Variants in CTNNA3 observed in about 807,000 individuals in gnomAD.
CTNNA3 encodes catenin alpha 3, also known as catenin alpha-3.
A neutral mutation model predicts 95.7 loss-of-function variants in CTNNA3; 76 were observed. The observed-to-expected ratio is 0.79, with a 90% confidence interval of 0.66 to 0.96. The LOEUF (loss-of-function observed/expected upper bound fraction) is 0.96, where lower values mean the gene tolerates loss of function less well. Ranked by LOEUF, CTNNA3 falls within the 40% of genes least tolerant of loss-of-function variation. CTNNA3 has a pLI of 0.00. For synonymous variants in CTNNA3, 431 were observed against 374.4 expected, an observed-to-expected ratio of 1.15 and a Z score of -1.74; for missense variants, 1,191 against 1,089.8, an observed-to-expected ratio of 1.09 and a Z score of -1.31.
chr10:67,687,970 C>G (rs555444531), intron 1 of CTNNA3, among the ~76,000 whole-genome samples: 1 of 152,304 alleles, frequency 6.6e-6, no homozygotes, highest in Admixed American at 6.5e-5. Context: ...TTGCCCCTTT[C>G]TTCGACTGTC....
At chr10:66,881,852 C>T (rs1844863653) in intron 7 of CTNNA3, among the ~76,000 whole-genome samples, 2 of 152,048 alleles carry the variant, frequency 1.3e-5, no homozygotes, top group South Asian at 4.1e-4. Flanking sequence ...TTTTCTTTAA[C>T]TAATAGAGCT....
intron 1 of CTNNA3, among the ~76,000 whole-genome samples, chr10:67,754,836 A>G (rs1468934080): frequency 6.6e-6 from 1 of 152,214 alleles, no homozygotes; most frequent in African/African-American, 2.4e-5. Context: ...AAACAACTCA[A>G]TGGAGAAAAA....
intron 7 of CTNNA3, among the ~76,000 whole-genome samples, chr10:67,104,380 A>T (rs1232483353): frequency 6.6e-6 from 1 of 151,994 alleles, no homozygotes; most frequent in African/African-American, 2.4e-5. Flanking sequence ...AGGCTGAAAG[A>T]TAACCTTTAT....
At chr10:67,751,774 C>T (rs540437720) in intron 1 of CTNNA3, among the ~76,000 whole-genome samples, 12 of 149,964 alleles carry the variant, frequency 8.0e-5, no homozygotes, top group South Asian at 2.1e-4. Context: ...AAGAAAAATT[C>T]GAATCCCTGA....
intron 11 of CTNNA3, among the ~76,000 whole-genome samples, chr10:66,405,750 T>C (rs1201497276): frequency 6.6e-6 from 1 of 152,164 alleles, no homozygotes; most frequent in East Asian, 1.9e-4. Context: ...TCCTGTCCTA[T>C]GCTGCACTAG....
intron 7 of CTNNA3, among the ~76,000 whole-genome samples, chr10:67,076,598 A>C (rs1856764378): frequency 6.6e-6 from 1 of 152,236 alleles, no homozygotes; most frequent in Non-Finnish European, 1.5e-5. Flanking sequence ...TTAAAAATTG[A>C]ATACAAATAA....
intron 9 of CTNNA3, among the ~76,000 whole-genome samples, chr10:66,641,394 A>T (rs979249199): frequency 3.3e-5 from 5 of 151,404 alleles, no homozygotes; most frequent in African/African-American, 1.2e-4. Context: ...TCTCCCTAAA[A>T]TGGGTCTACA....
At chr10:67,030,795 G>A (rs1853672047) in intron 7 of CTNNA3, among the ~76,000 whole-genome samples, 1 of 152,166 alleles carries the variant, frequency 6.6e-6, no homozygotes, top group Non-Finnish European at 1.5e-5. Flanking sequence ...CACGAGGTCA[G>A]GAGTTTGAGA....
intron 5 of CTNNA3, among the ~76,000 whole-genome samples, chr10:67,253,538 G>T (rs1866196648): frequency 1.3e-5 from 2 of 152,120 alleles, no homozygotes; most frequent in Non-Finnish European, 2.9e-5. Context: ...TGAGCGAGAT[G>T]ATTTAAATGT....
At chr10:65,930,935 A>G (rs187160385) in intron 17 of CTNNA3, among the ~76,000 whole-genome samples, 312 of 152,336 alleles carry the variant, frequency 2.0e-3, no homozygotes, top group Non-Finnish European at 3.8e-3. Context: ...ACTTATACAC[A>G]TAAGTATATA....
Position 67,256,447 on chromosome 10 carries a change from A to C in CTNNA3, c.580-36577T>G, listed in dbSNP as rs144027208. On this transcript the variant is annotated intron_variant, in intron 5 of 17. Transcript: ENST00000433211. The stretch of plus-strand genomic sequence containing the variant: ...TTAAATTTATTTTCATTATTAAAAG[A>C]ACAATATAGACTATAAAAACCACAT... 4.6e-5 allele frequency among the ~76,000 whole-genome samples: 7 copies of C among 152,302 alleles called. No individual in the cohort carries two copies. In the East Asian group the frequency reaches 1.4e-3, roughly 29 times the overall value.
At chr10:67,139,429 G>A (rs1406209011) in intron 7 of CTNNA3, among the ~76,000 whole-genome samples, 1 of 151,176 alleles carries the variant, frequency 6.6e-6, no homozygotes, top group African/African-American at 2.4e-5. Flanking sequence ...CCACAGGCAC[G>A]AGCCACCATA....
intron 5 of CTNNA3, among the ~76,000 whole-genome samples, chr10:67,455,851 A>G (rs982195872): frequency 7.9e-5 from 12 of 152,162 alleles, no homozygotes; most frequent in African/African-American, 2.9e-4. Flanking sequence ...GAATCCTGGC[A>G]CAGAAAAGAC....
intron 3 of CTNNA3, among the ~76,000 whole-genome samples, chr10:67,577,440 G>C (rs1842201645): frequency 6.6e-6 from 1 of 152,096 alleles, no homozygotes; most frequent in Non-Finnish European, 1.5e-5. Context: ...TTTGTCAGAT[G>C]AGTAGGTTGT....
At chr10:66,981,960 T>C (rs1272494359) in intron 7 of CTNNA3, among the ~76,000 whole-genome samples, 1 of 152,226 alleles carries the variant, frequency 6.6e-6, no homozygotes, top group African/African-American at 2.4e-5. Flanking sequence ...TTGGCTCAGC[T>C]GTCTGTCGAT....
At chr10:66,992,691 T>A (rs577112141) in intron 7 of CTNNA3, among the ~76,000 whole-genome samples, 1 of 152,320 alleles carries the variant, frequency 6.6e-6, no homozygotes, top group Non-Finnish European at 1.5e-5. Context: ...ATTTTGTTGA[T>A]CACATTTAAG....
At chr10:67,569,774 C>G (rs939356889) in intron 3 of CTNNA3, among the ~76,000 whole-genome samples, 1 of 152,094 alleles carries the variant, frequency 6.6e-6, no homozygotes, top group Non-Finnish European at 1.5e-5. Context: ...GAATTTCTGT[C>G]CTTGACTGTT....
Position 66,981,148 on chromosome 10 carries a change from C to T in CTNNA3, c.1047+199169G>A, listed in dbSNP as rs555513624. Among the ~76,000 whole-genome samples the T allele has an allele frequency of 3.3e-4, 51 of 152,302 alleles. 1 individual carries two copies. The highest frequency in any genetic ancestry group is 2.0e-3 in the Admixed American group (30 of 15,300). The stretch of plus-strand genomic sequence containing the variant: ...CGAACTCCTAACCTCATGTGATCCA[C>T]CTACCTTGGCCTCCCAAAGTGCTGG... On this transcript the variant is annotated intron_variant, in intron 7 of 17. Coordinates refer to ENST00000433211, the MANE Select transcript of CTNNA3 (RefSeq NM_013266.4).
chr10:67,642,589 G>A (rs561573877), intron 2 of CTNNA3, among the ~76,000 whole-genome samples: 67 of 152,144 alleles, frequency 4.4e-4, no homozygotes, highest in Admixed American at 3.0e-3. Flanking sequence ...ATGGTGGCAT[G>A]TGCCTGTAAA....
Sources: gnomAD v4.1 joint callset for allele counts (sites outside exome capture counted in the v4.1 genomes callset) on GRCh38, gnomAD v4.1.1 for gene constraint, MANE v1.5 for transcripts, NCBI Gene and HGNC (gene_info 2026-07-23, HGNC 2026-07-21) for gene names.